Variants in KRIT1 observed in about 807,000 individuals in gnomAD.
The protein encoded by KRIT1 is krev interaction trapped protein 1.
Under a neutral mutation model 95.8 loss-of-function variants are expected in KRIT1, and 45 were observed. The observed-to-expected ratio is 0.47, with a 90% CI of 0.37 to 0.60. KRIT1 has a LOEUF of 0.60. KRIT1 is among the 20% of genes least tolerant of loss of function. KRIT1 has a pLI of 0.00. For synonymous variants in KRIT1, 282 were observed against 278.8 expected (o/e 1.01, Z -0.11); for missense variants, 788 against 877.5 (o/e 0.90, Z 1.29).
intron 15 of KRIT1, 35 bp downstream of exon 15, chr7:92,214,571 TAAGCA>T: frequency 6.8e-7 from 1 of 1,469,800 alleles, no homozygotes; most frequent in Non-Finnish European, 9.5e-7. Context: ...AACAGAATCT[TAAGCA>T]TAGCACAAGA....
At chr7:92,226,194 G>C (rs1796172917) in intron 11 of KRIT1, among the ~76,000 whole-genome samples, 1 of 151,904 alleles carries the variant, frequency 6.6e-6, no homozygotes, top group African/African-American at 2.4e-5. Context: ...AATGAAAAGA[G>C]GTTAAATTCT....
chr7:92,235,461 T>C lies in KRIT1; in HGVS notation c.671A>G (p.Lys224Arg). Residue 224 changes from lysine to arginine, a missense_variant, in exon 8 of 19, where the codon AAA becomes AGA. Lys to Arg is a conservative substitution (Grantham distance 26). This residue lies in a region of KRIT1 where 289 missense variants were observed against 277.5 expected (regional missense o/e 1.04). Coordinates refer to ENST00000394505, the MANE Select transcript of KRIT1 (RefSeq NM_194454.3). ...AGGGTTGTAAATACAGGTATCTGCTTTCTCTAGGGCTAACATTTTACTCTT... is the reference window on the plus strand; with the variant it reads ...AGGGTTGTAAATACAGGTATCTGCTCTCTCTAGGGCTAACATTTTACTCTT... The part of the protein sequence containing the change: ...EIKSKMLALE[K>R]ADTCIYNPLF... 1 of 1,613,688 alleles carries C rather than the reference T, an allele frequency of 6.2e-7. No homozygotes were observed. Among genetic ancestry groups the C allele is most frequent in the South Asian group, 1.1e-5 (1 of 91,062 alleles).
Position 92,234,802 on chromosome 7 carries a change from C to T in KRIT1, c.845+6G>A. On this transcript the variant is annotated splice_donor_region_variant and intron_variant, in intron 9 of 18. Transcript: ENST00000394505. The stretch of plus-strand genomic sequence containing the variant: ...AAAGCAATGTGGAGTAAAACCGAAA[C>T]AGTACTTGTCTTCTGTGACACTGCT... 6.6e-7 allele frequency: 1 copy of T among 1,507,310 alleles called. No homozygotes were observed. The highest frequency in any genetic ancestry group is 9.2e-7 in the Non-Finnish European group (1 of 1,082,682). 93.4% of individuals were successfully genotyped at this position (1,507,310 alleles called of 1,614,324 possible). A position where few individuals can be genotyped will look rare whatever the true frequency, so the allele number is the denominator to read the frequency against.
At chr7:92,199,148 G>C (rs1303171754), downstream of KRIT1, 1 of 152,198 alleles carries the variant, frequency 6.6e-6, no homozygotes, top group Non-Finnish European at 1.5e-5. Context: ...AGGTTTGGGA[G>C]TCAACAGGGT....
chr7:92,235,398 C>A lies in KRIT1; in HGVS notation c.729+5G>T. 6.2e-7 allele frequency: 1 copy of A among 1,613,670 alleles called. No homozygotes were observed. ...AATCAGAGCTAAAATTCATTCAACT[C>A]TTACCCGATTTGTATACTGAAGATC... On this transcript the variant is annotated splice_donor_5th_base_variant and intron_variant, in intron 8 of 18. Transcript: ENST00000394505.
Position 92,214,838 on chromosome 7 carries a change from T to C in KRIT1, c.1564-61A>G, listed in dbSNP as rs1584807929. 16 of 1,151,650 alleles carry C rather than the reference T, an allele frequency of 1.4e-5. No homozygotes were observed. The South Asian group carries it at 1.9e-4, about 14-fold the overall frequency. The allele number at this position is 1,151,650 out of a possible 1,614,324, so 71.3% of individuals were successfully genotyped here. A position where few individuals can be genotyped will look rare whatever the true frequency, so the allele number is the denominator to read the frequency against. ...CAATTTCTTTTTACAAATGAACAAC[T>C]TAATATGGGAAAAGCAAAAGCTACA... On this transcript the variant is annotated intron_variant, in intron 14 of 18. Coordinates refer to ENST00000394505, the MANE Select transcript of KRIT1 (RefSeq NM_194454.3).
intron 17 of KRIT1, among the ~76,000 whole-genome samples, chr7:92,209,232 A>C (rs1423722074): frequency 6.6e-6 from 1 of 152,216 alleles, no homozygotes; most frequent in East Asian, 1.9e-4. Context: ...ACAAACCCAC[A>C]GCTAACATCA....
intron 14 of KRIT1, among the ~76,000 whole-genome samples, chr7:92,216,676 A>T (rs988521734): frequency 2.0e-5 from 3 of 152,196 alleles, no homozygotes; most frequent in Non-Finnish European, 4.4e-5. Context: ...AAATACACTA[A>T]ACCAAATTGT....
chr7:92,237,895 T>C, intron 5 of KRIT1, 136 bp from the exon 6 acceptor site: 2 of 612,052 alleles, frequency 3.3e-6, no homozygotes, highest in Non-Finnish European at 5.9e-6. Context: ...AATTTTATTA[T>C]ATGTACTAAT....
intron 17 of KRIT1, among the ~76,000 whole-genome samples, chr7:92,202,003 T>C (rs1455708915): frequency 6.6e-6 from 1 of 152,206 alleles, no homozygotes; most frequent in Non-Finnish European, 1.5e-5. Flanking sequence ...GCTTTCAGGA[T>C]AATGAAAGGT....
chr7:92,242,143 CA>C lies in KRIT1; in HGVS notation c.-2-7del, dbSNP rs765515588. Reference sequence around the variant, plus strand: ...GTTTTCTGGATTTCCCATTGCTTTACAAAACAAATAAAAAAATCCTTTGAAA... The same window carrying C: ...GTTTTCTGGATTTCCCATTGCTTTACAAACAAATAAAAAAATCCTTTGAAA... On this transcript the variant is annotated splice_polypyrimidine_tract_variant and splice_region_variant and intron_variant, in intron 3 of 18. Coordinates refer to ENST00000394505, the MANE Select transcript of KRIT1 (RefSeq NM_194454.3). 8.7e-6 allele frequency: 13 copies of C among 1,491,860 alleles called. No homozygotes were observed. The highest frequency in any genetic ancestry group is 1.2e-5 in the Non-Finnish European group (13 of 1,070,860). The allele number at this position is 1,491,860 out of a possible 1,614,324, so 92.4% of individuals were successfully genotyped here.
At chr7:92,243,840 A>C (rs1348683946) in intron 3 of KRIT1, among the ~76,000 whole-genome samples, 162 bp downstream of exon 3, 1 of 152,140 alleles carries the variant, frequency 6.6e-6, no homozygotes, top group Non-Finnish European at 1.5e-5. Context: ...GATCCAAAAA[A>C]ACCCTACAGA....
At chr7:92,227,207 T>TAG (rs1219628336) in intron 10 of KRIT1, among the ~76,000 whole-genome samples, 2 of 152,190 alleles carry the variant, frequency 1.3e-5, no homozygotes, top group Non-Finnish European at 1.5e-5. Context: ...AGGCAAAACA[T>TAG]AAACATGGGA....
At chr7:92,240,587 CTTCT>C (rs1486336633) in intron 5 of KRIT1, among the ~76,000 whole-genome samples, 4 of 152,166 alleles carry the variant, frequency 2.6e-5, no homozygotes, top group Non-Finnish European at 5.9e-5. Flanking sequence ...TGAAAAGGGT[CTTCT>C]TTCTATGACC....
chr7:92,208,460 C>T (rs145597164), intron 17 of KRIT1, among the ~76,000 whole-genome samples: 45 of 152,000 alleles, frequency 3.0e-4, no homozygotes, highest in Non-Finnish European at 4.7e-4. Context: ...AATGAGTAAA[C>T]TGTTAGGTAG....
At chr7:92,222,655 A>T (rs768782243) in intron 13 of KRIT1, among the ~76,000 whole-genome samples, 167 bp downstream of exon 13, 2 of 152,214 alleles carry the variant, frequency 1.3e-5, no homozygotes, top group Non-Finnish European at 2.9e-5. Context: ...GTGGGCAGGG[A>T]CTTACCTGTT....
intron 9 of KRIT1, 47 bp from the exon 10 acceptor site, chr7:92,234,639 A>G: frequency 6.5e-7 from 1 of 1,543,614 alleles, no homozygotes; most frequent in South Asian, 1.1e-5. Context: ...GACTGTAAAA[A>G]TTGTTTCAAA....
At chr7:92,214,968 G>A (rs1216172577) in intron 14 of KRIT1, among the ~76,000 whole-genome samples, 191 bp from the exon 15 acceptor site, 1 of 152,046 alleles carries the variant, frequency 6.6e-6, no homozygotes, top group Admixed American at 6.6e-5. Context: ...CTATATAATC[G>A]CTGTTGCAAC....
intron 14 of KRIT1, among the ~76,000 whole-genome samples, chr7:92,221,653 C>T (rs1795177884): frequency 6.6e-6 from 1 of 152,108 alleles, no homozygotes; most frequent in Non-Finnish European, 1.5e-5. Context: ...TAATTTGGCT[C>T]CACATCTGAT....
Sources: allele counts gnomAD v4.1 joint callset (sites outside exome capture counted in the v4.1 genomes callset), GRCh38; gene constraint gnomAD v4.1.1; regional missense constraint gnomAD v4.1.1; transcripts MANE v1.5; gene names NCBI Gene and HGNC (gene_info 2026-07-23, HGNC 2026-07-21).